AGBL1: variants seen among roughly 807,000 people sequenced by gnomAD.
AGBL1 encodes cytosolic carboxypeptidase 4.
In AGBL1, 130 loss-of-function variants were observed where a neutral mutation model predicts 118.9. That is an observed-to-expected ratio of 1.09 (90% confidence interval 0.95 to 1.26). The LOEUF (loss-of-function observed/expected upper bound fraction) is 1.26. Ranked by LOEUF, AGBL1 falls within the 50% of genes most tolerant of loss-of-function variation. The probability of loss-of-function intolerance (pLI) is 0.00; values close to 1 mark genes in which losing one functional copy is unlikely to be tolerated. For missense variants in AGBL1, 1,584 were observed against 1,298.1 expected (o/e 1.22, Z -3.38); for synonymous variants, 555 against 478.9 (o/e 1.16, Z -2.08).
At chr15:86,255,548 G>A (rs2078881467) in intron 7 of AGBL1, among the ~76,000 whole-genome samples, 1 of 152,168 alleles carries the variant, frequency 6.6e-6, no homozygotes, top group Non-Finnish European at 1.5e-5. Context: ...TTGGGAGACT[G>A]AGGTGGGTAT....
chr15:86,616,829 C>T (rs983769964), intron 21 of AGBL1, among the ~76,000 whole-genome samples: 1 of 152,116 alleles, frequency 6.6e-6, no homozygotes, highest in Non-Finnish European at 1.5e-5. Flanking sequence ...AAAGTTGACT[C>T]AAAAAGAAGA....
At chr15:86,176,131 C>T (rs932769963) in intron 5 of AGBL1, among the ~76,000 whole-genome samples, 39 of 152,162 alleles carry the variant, frequency 2.6e-4, no homozygotes, top group Non-Finnish European at 2.6e-4. Context: ...CCAGTAAGGT[C>T]ATTGGTGGGT....
At chr15:86,906,944 C>T (rs1055195533) in intron 22 of AGBL1, 143 bp from the exon 23 acceptor site, 2 of 152,240 alleles carry the variant, frequency 1.3e-5, no homozygotes, top group African/African-American at 4.8e-5. Flanking sequence ...GAATGTGTTC[C>T]CTTTTTTGGC....
chr15:86,776,278 C>A (rs1232035140), intron 22 of AGBL1, among the ~76,000 whole-genome samples: 3 of 152,102 alleles, frequency 2.0e-5, no homozygotes, highest in African/African-American at 7.2e-5. Flanking sequence ...TCTATGTCAG[C>A]AATTGAGAAG....
At chr15:86,310,796 G>A (rs964341811) in intron 17 of AGBL1, among the ~76,000 whole-genome samples, 1 of 152,122 alleles carries the variant, frequency 6.6e-6, no homozygotes, top group Non-Finnish European at 1.5e-5. Flanking sequence ...CTAGCAAACT[G>A]GGATGACCAT....
intron 17 of AGBL1, among the ~76,000 whole-genome samples, chr15:86,338,863 G>A (rs2080416393): frequency 6.6e-6 from 1 of 152,098 alleles, no homozygotes; most frequent in Non-Finnish European, 1.5e-5. Context: ...TAGGAGGACA[G>A]CACTCAGTCT....
chr15:86,584,690 A>G (rs565096083), intron 21 of AGBL1, among the ~76,000 whole-genome samples: 1 of 152,244 alleles, frequency 6.6e-6, no homozygotes, highest in East Asian at 1.9e-4. Flanking sequence ...TATGAATTTT[A>G]GAATAGGTTT....
intron 18 of AGBL1, among the ~76,000 whole-genome samples, chr15:86,406,940 C>T (rs550041409): frequency 1.3e-5 from 2 of 152,018 alleles, no homozygotes; most frequent in South Asian, 4.2e-4. Context: ...TGGTTATTTT[C>T]TTAAGATAAA....
intron 1 of AGBL1, among the ~76,000 whole-genome samples, chr15:86,080,546 T>C (rs1895198642): frequency 6.6e-6 from 1 of 152,174 alleles, no homozygotes; most frequent in Non-Finnish European, 1.5e-5. Context: ...CTAGAAGGTG[T>C]TTGAATCATG....
chr15:86,442,483 G>A (rs10438422), intron 18 of AGBL1, among the ~76,000 whole-genome samples: 21,992 of 152,152 alleles, frequency 0.14, 1,787 homozygotes, highest in East Asian at 0.2. Context: ...TGTCAACCCC[G>A]GAGCCTGAGT....
chr15:86,752,366 G>A (rs183035836), intron 22 of AGBL1, among the ~76,000 whole-genome samples: 40 of 152,232 alleles, frequency 2.6e-4, no homozygotes, highest in Admixed American at 1.2e-3. Context: ...AAGCAAAACA[G>A]ATGTGTTTCT....
chr15:86,281,099 G>A (rs2079345492), intron 16 of AGBL1, among the ~76,000 whole-genome samples: 2 of 152,152 alleles, frequency 1.3e-5, no homozygotes, highest in African/African-American at 4.8e-5. Context: ...AAAGTCTACT[G>A]TGGGCTGGGC....
intron 21 of AGBL1, among the ~76,000 whole-genome samples, chr15:86,659,534 A>G (rs977399731): frequency 6.6e-6 from 1 of 152,230 alleles, no homozygotes; most frequent in Middle Eastern, 3.4e-3. Flanking sequence ...TTTCAGCAGT[A>G]TGCTCCTATC....
At chr15:86,224,683 T>C (rs2078331564) in intron 5 of AGBL1, among the ~76,000 whole-genome samples, 1 of 152,060 alleles carries the variant, frequency 6.6e-6, no homozygotes, top group Non-Finnish European at 1.5e-5. Context: ...GAAAGAGATT[T>C]TCAGCAGCAG....
At chr15:86,776,981 GT>G (rs909143942) in intron 22 of AGBL1, among the ~76,000 whole-genome samples, 4 of 151,410 alleles carry the variant, frequency 2.6e-5, no homozygotes, top group East Asian at 1.9e-4. Flanking sequence ...ACACAATAAG[GT>G]TTTTTTTCTT....
At chr15:86,741,381 CAAAAAAAAAAAAAAAAAAAAAAAAAA>C (rs570193876) in intron 22 of AGBL1, among the ~76,000 whole-genome samples, 9 of 30,508 alleles carry the variant, frequency 3.0e-4, no homozygotes, top group Admixed American at 4.1e-4. Flanking sequence ...TAAGGCAAAG[CAAAAAAAAAAAAAAAAAAAAAAAAAA>C]AAAAAAAAAA....
At chr15:86,663,007 T>A (rs2085572711) in intron 21 of AGBL1, among the ~76,000 whole-genome samples, 1 of 152,236 alleles carries the variant, frequency 6.6e-6, no homozygotes, top group Non-Finnish European at 1.5e-5. Context: ...AATGAGCTGC[T>A]GTGGGGCTTG....
Position 86,365,000 on chromosome 15 carries a change from TATATATATACACACAC to T in AGBL1, c.2375-32356_2375-32341del, listed in dbSNP as rs2080864209. ...ATATATATATATATACACACACACATATATATATACACACACATATATATATACACACACATATATA... is the reference window on the plus strand; with the variant it reads ...ATATATATATATATACACACACACATATATATATATACACACACATATATA... On this transcript the variant is annotated intron_variant, in intron 17 of 22. Coordinates refer to ENST00000614907, the MANE Select transcript of AGBL1 (RefSeq NM_001386094.1). 3.8e-5 allele frequency among the ~76,000 whole-genome samples: 5 copies of T among 131,398 alleles called. 1 individual carries two copies. Among genetic ancestry groups the T allele is most frequent in the Non-Finnish European group, 8.0e-5 (5 of 62,398 alleles). The allele number at this position is 131,398 out of a possible 152,430, so 86.2% of individuals were successfully genotyped here.
intron 24 of AGBL1, among the ~76,000 whole-genome samples, chr15:87,002,478 T>C (rs2141762998): frequency 6.6e-6 from 1 of 152,148 alleles, no homozygotes; most frequent in East Asian, 1.9e-4. Flanking sequence ...TTTGGTTCCA[T>C]ATGAACTTTA....
Sources: allele counts gnomAD v4.1 joint callset (sites outside exome capture counted in the v4.1 genomes callset), GRCh38; gene constraint gnomAD v4.1.1; transcripts MANE v1.5; gene names NCBI Gene and HGNC (gene_info 2026-07-23, HGNC 2026-07-21).